The following PTPN13 variants were observed in gnomAD, a reference collection of about 807,000 sequenced individuals.
The protein encoded by PTPN13 is tyrosine-protein phosphatase non-receptor type 13.
PTPN13 carries 191 observed loss-of-function variants against 284.0 expected under a neutral mutation model. The ratio of observed to expected loss-of-function variants is 0.67; its 90% confidence interval spans 0.60 to 0.76. The LOEUF is 0.76. Among genes scored for constraint, PTPN13 ranks in the 30% least tolerant of loss-of-function variants. The pLI, the probability that PTPN13 is intolerant of heterozygous loss-of-function variation, is 0.00. For synonymous variants in PTPN13, 986 were observed against 1,022.3 expected (o/e 0.96, Z 0.68); for missense variants, 2,797 against 2,939.9 (o/e 0.95, Z 1.12).
intron 23 of PTPN13, 96 bp downstream of exon 23, chr4:86,759,169 A>C: frequency 7.7e-7 from 1 of 1,290,426 alleles, no homozygotes; most frequent in Non-Finnish European, 1.1e-6. Flanking sequence ...ATTGTGTACA[A>C]AATTGATGCA....
chr4:86,736,868 T>C lies in PTPN13; in HGVS notation c.2304+1122T>C, dbSNP rs545833699. ...TATTAGGTTGCCCTACTCCTTCTAA[T>C]AATATATTCTGTTACTTCATTTCAC... On this transcript the variant is annotated intron_variant, in intron 15 of 47. Coordinates refer to ENST00000411767, the MANE Select transcript of PTPN13 (RefSeq NM_080683.3). 9.5e-4 allele frequency among the ~76,000 whole-genome samples: 145 copies of C among 152,340 alleles called. 9 individuals carry two copies. In the South Asian group the frequency reaches 0.029, roughly 30 times the overall value.
At chr4:86,697,199 G>A (rs1244233787) in intron 6 of PTPN13, among the ~76,000 whole-genome samples, 1 of 152,084 alleles carries the variant, frequency 6.6e-6, no homozygotes, top group Admixed American at 6.5e-5. Context: ...AAGCAACCTT[G>A]TGATACATTA....
At chr4:86,614,477 C>G (rs1720315055) in intron 1 of PTPN13, among the ~76,000 whole-genome samples, 1 of 151,910 alleles carries the variant, frequency 6.6e-6, no homozygotes, top group Admixed American at 6.6e-5. Context: ...GCTATTATTT[C>G]TTGGTTTGAC....
At chr4:86,808,162 A>G (rs942555758) in intron 45 of PTPN13, among the ~76,000 whole-genome samples, 10 of 152,216 alleles carry the variant, frequency 6.6e-5, no homozygotes, top group African/African-American at 2.4e-4. Flanking sequence ...TGTGATTATC[A>G]TCCTTGGTGA....
intron 3 of PTPN13, 39 bp from the exon 4 acceptor site, chr4:86,686,670 AT>A (rs1729490588): frequency 1.5e-6 from 2 of 1,325,574 alleles, no homozygotes; most frequent in Middle Eastern, 2.6e-4. Flanking sequence ...TTTCTATTGT[AT>A]TTTATCATAA....
chr4:86,776,685 AAC>A (rs772212896), intron 35 of PTPN13, among the ~76,000 whole-genome samples: 2 of 152,230 alleles, frequency 1.3e-5, no homozygotes, highest in Non-Finnish European at 2.9e-5. Context: ...GCCTACCATA[AAC>A]AGTTTTACAT....
At chr4:86,697,656 T>C (rs1730713897) in intron 6 of PTPN13, among the ~76,000 whole-genome samples, 1 of 152,162 alleles carries the variant, frequency 6.6e-6, no homozygotes, top group African/African-American at 2.4e-5. Flanking sequence ...CTTTAGAACT[T>C]ACGCATATTA....
chr4:86,732,506 A>C (rs550058862), intron 11 of PTPN13, 32 bp downstream of exon 11: 1 of 1,593,328 alleles, frequency 6.3e-7, no homozygotes, highest in African/African-American at 1.3e-5. Context: ...TGTCACTCTT[A>C]GAAAATAATT....
intron 3 of PTPN13, among the ~76,000 whole-genome samples, chr4:86,673,033 T>G (rs1468608313): frequency 1.3e-5 from 2 of 152,160 alleles, no homozygotes; most frequent in African/African-American, 2.4e-5. Context: ...CCCTCACATG[T>G]GCAGTTCATA....
intron 4 of PTPN13, 86 bp from the exon 5 acceptor site, chr4:86,688,919 T>C (rs191348038): frequency 1.9e-6 from 2 of 1,063,488 alleles, no homozygotes; most frequent in Non-Finnish European, 2.8e-6. Context: ...TTTAGTGTGG[T>C]TCCTGTGATT....
rs756554168 is a variant in PTPN13 at position 86,809,778 on chromosome 4, G to A, written c.7093G>A (p.Val2365Met). The part of the protein sequence containing the change: ...MTLEDIQTRE[V>M]RHISHLNFTA... ...TGTTATACAATTTCAGACCAGAGAG[G>A]TGCGCCATATTTCTCATCTGAATTT... Residue 2365 changes from valine to methionine, a missense_variant, in exon 46 of 48, where the codon GTG (valine) becomes ATG (methionine). Physicochemically the swap from Val to Met is conservative, Grantham distance 21 (BLOSUM62 1). Coordinates refer to ENST00000411767, the MANE Select transcript of PTPN13 (RefSeq NM_080683.3). 5.6e-6 allele frequency: 9 copies of A among 1,613,618 alleles called. No homozygotes were observed. The South Asian group carries it at 7.7e-5, about 14-fold the overall frequency.
rs372363735 is a variant in PTPN13 at position 86,805,298 on chromosome 4, C to T, written c.6674C>T (p.Pro2225Leu). The T allele has an allele frequency of 6.3e-7, 1 of 1,594,254 alleles. No homozygotes were observed. The highest frequency in any genetic ancestry group is 8.6e-7 in the Non-Finnish European group (1 of 1,165,960). ...TTACAGAATCTTCAAGAATTAAAAC[C>T]TTTGGATCAGTGTCTAATTGGGCAA... is the stretch of plus-strand genomic sequence containing the variant. ...KELENLQELK[P>L]LDQCLIGQTK... is the part of the protein sequence containing the mutation. The change falls in exon 44 of 48, where the codon CCT (proline) becomes CTT (leucine). Residue 2225 changes from proline (P) to leucine (L), a missense_variant. Transcript: ENST00000411767.
At chr4:86,635,436 A>G in intron 2 of PTPN13, 65 bp downstream of exon 2, 1 of 1,539,812 alleles carries the variant, frequency 6.5e-7, no homozygotes, top group Non-Finnish European at 8.8e-7. Flanking sequence ...AAAAACAGAT[A>G]CAGGGTCAGA....
rs980007421 is a variant in PTPN13, at chr4:86,752,907, C to T, written c.3167-102C>T. On this transcript the variant is annotated intron_variant, in intron 19 of 47. Transcript: ENST00000411767. ...CAGTGTAAATACAAAATGTTGCTGC[C>T]TTATTGTTCTATTGATTTTTATGAG... The T allele has an allele frequency of 4.0e-6, 3 of 749,840 alleles. No individual in the cohort carries two copies. In the South Asian group the frequency reaches 7.8e-5, roughly 19 times the overall value. 46.4% of individuals were successfully genotyped at this position (749,840 alleles called of 1,614,324 possible). A position where few individuals can be genotyped will look rare whatever the true frequency, so the allele number is the denominator to read the frequency against.
At chr4:86,607,097 A>G (rs1454729324) in intron 1 of PTPN13, among the ~76,000 whole-genome samples, 4 of 151,854 alleles carry the variant, frequency 2.6e-5, no homozygotes, top group African/African-American at 9.7e-5. Context: ...TTATAATTGT[A>G]TGTGCTATAA....
intron 23 of PTPN13, 80 bp from the exon 24 acceptor site, chr4:86,762,647 A>G (rs540813584): frequency 3.2e-5 from 35 of 1,109,912 alleles, no homozygotes; most frequent in South Asian, 6.1e-5. Context: ...CCTTCCAACA[A>G]TCTTCAAGAA....
intron 7 of PTPN13, among the ~76,000 whole-genome samples, chr4:86,706,123 G>T (rs998964839): frequency 6.6e-5 from 10 of 152,116 alleles, no homozygotes; most frequent in African/African-American, 2.4e-4. Context: ...GAAGTGGAAG[G>T]AATCTGGATA....
At chr4:86,655,544 T>C (rs1045444472) in intron 2 of PTPN13, among the ~76,000 whole-genome samples, 1 of 152,228 alleles carries the variant, frequency 6.6e-6, no homozygotes, top group Non-Finnish European at 1.5e-5. Flanking sequence ...GAAAATTCTT[T>C]TCTTTAAGAA....
chr4:86,762,725 A>C lies in PTPN13; in HGVS notation c.3554-2A>C, dbSNP rs958280324. The C allele has an allele frequency of 1.3e-6, 2 of 1,583,816 alleles. No individual in the cohort carries two copies. Among genetic ancestry groups the C allele is most frequent in the East Asian group, 2.3e-5 (1 of 44,182 alleles). On this transcript the variant is annotated splice_acceptor_variant, in intron 23 of 47. Coordinates refer to ENST00000411767, the MANE Select transcript of PTPN13 (RefSeq NM_080683.3). LOFTEE classifies it high-confidence loss of function. Reference sequence around the variant, plus strand: ...CTCTCATTGATGGATTTTGACTTTTAGTGCCTTCTACTCCTGTGCATCTCA... The same window carrying C: ...CTCTCATTGATGGATTTTGACTTTTCGTGCCTTCTACTCCTGTGCATCTCA...
Sources: allele counts gnomAD v4.1 joint callset (sites outside exome capture counted in the v4.1 genomes callset), GRCh38; gene constraint gnomAD v4.1.1; transcripts MANE v1.5; gene names NCBI Gene and HGNC (gene_info 2026-07-23, HGNC 2026-07-21).